The following ZBTB7C variants were observed in gnomAD, a reference collection of about 807,000 sequenced individuals.
The protein encoded by ZBTB7C is zinc finger and BTB domain-containing protein 7C.
A neutral mutation model predicts 25.7 loss-of-function variants in ZBTB7C; 8 were observed. The ratio of observed to expected loss-of-function variants is 0.31; its 90% CI spans 0.18 to 0.56. The LOEUF (loss-of-function observed/expected upper bound fraction) is 0.56, where lower values mean the gene tolerates loss of function less well. Ranked by LOEUF, ZBTB7C falls within the 20% of genes least tolerant of loss-of-function variation. The pLI is 0.91. For missense variants in ZBTB7C, 824 were observed against 855.2 expected, an observed-to-expected ratio of 0.96 and a Z score of 0.46; for synonymous variants, 394 against 369.0, an observed-to-expected ratio of 1.07 and a Z score of -0.78.
intron 1 of ZBTB7C, among the ~76,000 whole-genome samples, chr18:48,391,376 A>G (rs1381536832): frequency 2.0e-5 from 3 of 152,248 alleles, no homozygotes; most frequent in African/African-American, 4.8e-5. Flanking sequence ...CTGAAGTAAC[A>G]TGTTCAACTT....
intron 1 of ZBTB7C, among the ~76,000 whole-genome samples, chr18:48,386,280 A>G (rs973314274): frequency 2.6e-5 from 4 of 152,242 alleles, no homozygotes; most frequent in African/African-American, 9.6e-5. Flanking sequence ...CTTCCACGCT[A>G]GATGCTGAAA....
intron 1 of ZBTB7C, among the ~76,000 whole-genome samples, chr18:48,369,175 A>G (rs2145150945): frequency 6.6e-6 from 1 of 152,324 alleles, no homozygotes; most frequent in African/African-American, 2.4e-5. Context: ...GTAAAGAAAT[A>G]TAAGAGGCAA....
intron 1 of ZBTB7C, among the ~76,000 whole-genome samples, chr18:48,369,157 G>T (rs1023350014): frequency 6.6e-6 from 1 of 152,110 alleles, no homozygotes; most frequent in Admixed American, 6.5e-5. Context: ...CATTGTAAGT[G>T]GGGGAGGGTA....
chr18:48,056,992 G>T (rs1030952877), intron 3 of ZBTB7C, among the ~76,000 whole-genome samples: 1 of 139,164 alleles, frequency 7.2e-6, no homozygotes, highest in Non-Finnish European at 1.5e-5. Flanking sequence ...CCTTTATATA[G>T]AGAGAGACCA....
chr18:48,071,249 T>C (rs1458974234), intron 3 of ZBTB7C, among the ~76,000 whole-genome samples: 1 of 152,180 alleles, frequency 6.6e-6, no homozygotes, highest in Non-Finnish European at 1.5e-5. Context: ...AATGATGACA[T>C]TAGAGTCTCT....
chr18:48,249,736 A>G (rs1350124814), intron 2 of ZBTB7C, among the ~76,000 whole-genome samples: 1 of 152,180 alleles, frequency 6.6e-6, no homozygotes, highest in Non-Finnish European at 1.5e-5. Context: ...ACCAACTATC[A>G]ATTTGTACAT....
intron 3 of ZBTB7C, among the ~76,000 whole-genome samples, chr18:48,065,831 A>G (rs1031237531): frequency 6.6e-6 from 1 of 152,168 alleles, no homozygotes; most frequent in African/African-American, 2.4e-5. Flanking sequence ...AAGTGGTCTT[A>G]TCAGAGGATG....
At chr18:48,162,740 G>A (rs992040329) in intron 3 of ZBTB7C, among the ~76,000 whole-genome samples, 9 of 152,148 alleles carry the variant, frequency 5.9e-5, no homozygotes, top group African/African-American at 9.7e-5. Context: ...CCCATCTTCC[G>A]GGGCCAATGC....
At chr18:48,398,697 G>A (rs986631829) in intron 1 of ZBTB7C, among the ~76,000 whole-genome samples, 3 of 151,958 alleles carry the variant, frequency 2.0e-5, no homozygotes, top group African/African-American at 4.8e-5. Flanking sequence ...CACAACGTGA[G>A]CACCATCCCT....
intron 2 of ZBTB7C, among the ~76,000 whole-genome samples, chr18:48,195,866 T>C (rs956888880): frequency 2.6e-5 from 4 of 152,168 alleles, no homozygotes; most frequent in African/African-American, 9.7e-5. Context: ...TAGAAATATT[T>C]TCTTCTTTTT....
intron 3 of ZBTB7C, among the ~76,000 whole-genome samples, chr18:48,047,838 C>T (rs1461787991): frequency 1.3e-5 from 2 of 152,202 alleles, no homozygotes; most frequent in African/African-American, 4.8e-5. Context: ...TCTCAAGCAA[C>T]ACAACTCTGA....
At position 48,037,355 on chromosome 18, in the gene ZBTB7C, G is replaced by A. The variant is rs2036018484; in HGVS notation, c.1208+2545C>T. Among the ~76,000 whole-genome samples the A allele has an allele frequency of 2.0e-5, 3 of 152,244 alleles. No individual in the cohort carries two copies. The South Asian group carries it at 6.2e-4, about 31-fold the overall frequency. On this transcript the variant is annotated intron_variant, in intron 4 of 4. Transcript: ENST00000590800. ...CATCTGGCTGGGAGTGGGGACTGCA[G>A]ACAGAGAGGCCACCCCAAGTGACCA...
At chr18:48,051,107 C>A (rs2036669821) in intron 3 of ZBTB7C, among the ~76,000 whole-genome samples, 2 of 152,108 alleles carry the variant, frequency 1.3e-5, no homozygotes, top group South Asian at 4.1e-4. Flanking sequence ...ACATCATCGC[C>A]ACCTCTTCAA....
At chr18:48,054,325 C>A (rs1028231894) in intron 3 of ZBTB7C, among the ~76,000 whole-genome samples, 1 of 152,172 alleles carries the variant, frequency 6.6e-6, no homozygotes, top group South Asian at 2.1e-4. Context: ...ACCCAGGAAG[C>A]CGCTCTGCAT....
At chr18:48,214,348 A>C (rs2042774518) in intron 2 of ZBTB7C, among the ~76,000 whole-genome samples, 1 of 152,084 alleles carries the variant, frequency 6.6e-6, no homozygotes, top group Non-Finnish European at 1.5e-5. Flanking sequence ...TGTCTCTAGG[A>C]ATTTAACTAT....
At chr18:48,290,264 C>G (rs1041379629) in intron 2 of ZBTB7C, among the ~76,000 whole-genome samples, 3 of 152,232 alleles carry the variant, frequency 2.0e-5, no homozygotes, top group Non-Finnish European at 4.4e-5. Context: ...TTAGGTCCAG[C>G]CAGGACTCCA....
At chr18:48,121,683 T>G (rs2039635298) in intron 3 of ZBTB7C, among the ~76,000 whole-genome samples, 1 of 152,086 alleles carries the variant, frequency 6.6e-6, no homozygotes, top group African/African-American at 2.4e-5. Context: ...AATGAGAGGC[T>G]GGGTACAGGT....
chr18:48,140,018 G>A (rs531260313), intron 3 of ZBTB7C, among the ~76,000 whole-genome samples: 13 of 152,258 alleles, frequency 8.5e-5, no homozygotes, highest in Admixed American at 5.9e-4. Context: ...GGCTTCACAC[G>A]GCAAGCCTGC....
intron 2 of ZBTB7C, among the ~76,000 whole-genome samples, chr18:48,295,147 C>T (rs370008681): frequency 1.4e-3 from 218 of 152,328 alleles, no homozygotes; most frequent in Admixed American, 2.2e-3. Flanking sequence ...TTTCTGTACA[C>T]ATCAGCATTG....
Sources: allele counts gnomAD v4.1 joint callset (sites outside exome capture counted in the v4.1 genomes callset), GRCh38; gene constraint gnomAD v4.1.1; transcripts MANE v1.5; gene names NCBI Gene and HGNC (gene_info 2026-07-23, HGNC 2026-07-21).